RBFOX1: variants seen among roughly 807,000 people sequenced by gnomAD.
The protein encoded by RBFOX1 is RNA binding protein fox-1 homolog 1.
In RBFOX1, 8 loss-of-function variants were observed where a neutral mutation model predicts 57.7. The observed-to-expected ratio is 0.14, with a 90% CI of 0.08 to 0.25. The LOEUF is 0.25. RBFOX1 is among the 10% of genes least tolerant of loss of function. RBFOX1 has a pLI of 1.00. For missense variants in RBFOX1, 611 were observed against 548.5 expected, an observed-to-expected ratio of 1.11 and a Z score of -1.14; for synonymous variants, 326 against 222.4, an observed-to-expected ratio of 1.47 and a Z score of -4.15.
chr16:6,562,831 C>T (rs199817883), intron 2 of RBFOX1, among the ~76,000 whole-genome samples: 1 of 88,354 alleles, frequency 1.1e-5, no homozygotes, highest in African/African-American at 3.8e-5. Flanking sequence ...ATTCTTGATT[C>T]TTTTCTTTCT....
chr16:6,422,229 CTTT>C (rs771957311), intron 2 of RBFOX1, among the ~76,000 whole-genome samples: 3 of 142,544 alleles, frequency 2.1e-5, no homozygotes, highest in Admixed American at 7.1e-5. Context: ...ACCACCTCTC[CTTT>C]TTTTTTTTTT....
At position 6,410,303 on chromosome 16, in the gene RBFOX1, C is replaced by CTTTTTTTT. The variant is rs34012786; in HGVS notation, c.-64+93261_-64+93268dup. 1.2e-4 allele frequency among the ~76,000 whole-genome samples: 10 copies of CTTTTTTTT among 86,718 alleles called. No homozygotes were observed. The East Asian group carries it at 1.4e-3, about 12-fold the overall frequency. The allele number at this position is 86,718 out of a possible 152,430, so 56.9% of individuals were successfully genotyped here. ...CCTGCTGAAACGATGACCTAGGGTTCTTTTTTTTTTTTTTTTTTTTTTGAG... is the reference window on the plus strand; with the variant it reads ...CCTGCTGAAACGATGACCTAGGGTTCTTTTTTTTTTTTTTTTTTTTTTTTTTTTTTGAG... On this transcript the variant is annotated intron_variant, in intron 2 of 15. Coordinates refer to ENST00000550418, the MANE Select transcript of RBFOX1 (RefSeq NM_018723.4).
At chr16:6,339,281 C>T (rs142586179) in intron 2 of RBFOX1, among the ~76,000 whole-genome samples, 7 of 152,294 alleles carry the variant, frequency 4.6e-5, no homozygotes, top group African/African-American at 1.7e-4. Flanking sequence ...AGCAACCCAA[C>T]CTGAGTCAAT....
intron 1 of RBFOX1, among the ~76,000 whole-genome samples, chr16:5,440,127 G>T (rs888146928): frequency 1.3e-5 from 2 of 152,156 alleles, no homozygotes; most frequent in African/African-American, 4.8e-5. Flanking sequence ...TATATCAGTG[G>T]GATAATGTAT....
intron 3 of RBFOX1, among the ~76,000 whole-genome samples, chr16:5,652,949 G>C (rs1259285287): frequency 1.3e-5 from 2 of 152,186 alleles, no homozygotes; most frequent in Non-Finnish European, 2.9e-5. Context: ...GGGTGACTGG[G>C]TCTCTGCTGC....
At chr16:6,866,635 C>G (rs1231318443) in intron 3 of RBFOX1, among the ~76,000 whole-genome samples, 9 of 148,156 alleles carry the variant, frequency 6.1e-5, no homozygotes, top group Non-Finnish European at 1.2e-4. Flanking sequence ...TCCGCCTCCC[C>G]GGTTCACGCC....
chr16:7,247,743 C>T (rs1032812854), intron 4 of RBFOX1, among the ~76,000 whole-genome samples: 1 of 152,134 alleles, frequency 6.6e-6, no homozygotes, highest in African/African-American at 2.4e-5. Context: ...AGTACATTTC[C>T]ATTGCAGGGA....
chr16:5,518,448 C>G (rs577476550), intron 2 of RBFOX1, among the ~76,000 whole-genome samples: 1 of 152,310 alleles, frequency 6.6e-6, no homozygotes, highest in South Asian at 2.1e-4. Context: ...GATTTTACTA[C>G]TTGGCAACAA....
At chr16:7,047,215 C>G (rs2048290612) in intron 3 of RBFOX1, among the ~76,000 whole-genome samples, 2 of 151,926 alleles carry the variant, frequency 1.3e-5, no homozygotes, top group South Asian at 4.1e-4. Context: ...GGAAAACTTC[C>G]TATAGCGATT....
At chr16:5,333,387 G>C (rs2064811018) in intron 1 of RBFOX1, among the ~76,000 whole-genome samples, 1 of 152,188 alleles carries the variant, frequency 6.6e-6, no homozygotes, top group Non-Finnish European at 1.5e-5. Context: ...GCAGAGTTGA[G>C]TAATTGAGAC....
At chr16:7,282,828 G>T (rs2095573314) in intron 4 of RBFOX1, among the ~76,000 whole-genome samples, 1 of 152,162 alleles carries the variant, frequency 6.6e-6, no homozygotes, top group South Asian at 2.1e-4. Flanking sequence ...GAGAACATAT[G>T]ATGTTTGGTT....
rs114982190 is a variant in RBFOX1, at chr16:5,798,408, G to C, written c.319-68895G>C. On this transcript the variant is annotated intron_variant, in intron 3 of 19. Transcript: ENST00000641259. ...TTTGTTGAGAAGATGTTTGAGCTTT[G>C]TTCTAAAGGATGAAAGGGTTTATTT... Among the ~76,000 whole-genome samples, 1,232 of 152,296 alleles carry C rather than the reference G, an allele frequency of 8.1e-3. 20 individuals are homozygous for C. The highest frequency in any genetic ancestry group is 0.029 in the African/African-American group (1,188 of 41,570).
chr16:6,515,533 C>T (rs1270678158), intron 2 of RBFOX1, among the ~76,000 whole-genome samples: 1 of 152,172 alleles, frequency 6.6e-6, no homozygotes, highest in East Asian at 1.9e-4. Flanking sequence ...CATGTCTTCC[C>T]TTGAGAGCAG....
intron 13 of RBFOX1, among the ~76,000 whole-genome samples, chr16:7,669,736 T>C (rs2070745692): frequency 6.6e-6 from 1 of 152,154 alleles, no homozygotes; most frequent in Non-Finnish European, 1.5e-5. Context: ...AACTCAGGAA[T>C]GAGATGTGTC....
chr16:7,067,951 ATTTTTTTT>A (rs60401242), intron 4 of RBFOX1, among the ~76,000 whole-genome samples: 2 of 121,158 alleles, frequency 1.7e-5, no homozygotes, highest in African/African-American at 6.4e-5. Context: ...AGAGGGCGCC[ATTTTTTTT>A]TTTTTTTTTT....
intron 4 of RBFOX1, among the ~76,000 whole-genome samples, chr16:7,122,281 T>C (rs2067361301): frequency 6.6e-6 from 1 of 152,106 alleles, no homozygotes; most frequent in Non-Finnish European, 1.5e-5. Context: ...GAATATATTT[T>C]GAACTCTCAA....
At position 7,214,920 on chromosome 16, in the gene RBFOX1, G is replaced by A. The variant is rs368021796; in HGVS notation, c.27+162822G>A. On this transcript the variant is annotated intron_variant, in intron 4 of 15. Coordinates refer to ENST00000550418, the MANE Select transcript of RBFOX1 (RefSeq NM_018723.4). ...TTATTTTATTTTACTTTAAGTTCTC[G>A]GACACATGTACTGAATGTGCAGGTT... Among the ~76,000 whole-genome samples the A allele has an allele frequency of 9.9e-5, 15 of 152,064 alleles. No homozygotes were observed. The East Asian group carries it at 2.5e-3, about 26-fold the overall frequency.
At chr16:5,823,714 A>G (rs1159922655) in intron 3 of RBFOX1, among the ~76,000 whole-genome samples, 1 of 152,116 alleles carries the variant, frequency 6.6e-6, no homozygotes, top group East Asian at 1.9e-4. Context: ...CATGTGAGGG[A>G]TCTAGGTTGC....
chr16:7,411,902 CAAAA>C (rs60700135), intron 4 of RBFOX1, among the ~76,000 whole-genome samples: 32,024 of 95,748 alleles, frequency 0.33, 4,379 homozygotes, highest in Middle Eastern at 0.49. Context: ...AAACTCCTTT[CAAAA>C]AAAAAAAAAA....
Sources: allele counts gnomAD v4.1 joint callset (sites outside exome capture counted in the v4.1 genomes callset), GRCh38; gene constraint gnomAD v4.1.1; transcripts MANE v1.5; gene names NCBI Gene and HGNC (gene_info 2026-07-23, HGNC 2026-07-21).